Variants in PID1 observed in about 807,000 individuals in gnomAD.
PID1 encodes the protein PTB-containing, cubilin and LRP1-interacting protein.
PID1 carries 10 observed loss-of-function variants against 19.1 expected under a neutral mutation model. That is an observed-to-expected ratio of 0.52 (90% CI 0.32 to 0.89). PID1 has a LOEUF of 0.89. Ranked by LOEUF, PID1 falls within the 40% of genes least tolerant of loss-of-function variation. The pLI, the probability that PID1 is intolerant of heterozygous loss-of-function variation, is 0.03. For synonymous variants in PID1, 130 were observed against 116.0 expected, an observed-to-expected ratio of 1.12 and a Z score of -0.78; for missense variants, 248 against 285.3, an observed-to-expected ratio of 0.87 and a Z score of 0.94.
chr2:229,035,520 G>C (rs1206976587), intron 2 of PID1, among the ~76,000 whole-genome samples: 6 of 151,592 alleles, frequency 4.0e-5, no homozygotes, highest in African/African-American at 1.5e-4. Context: ...GTGTGTGTGT[G>C]TGTGTGTGTG....
chr2:229,216,082 T>C (rs1383547216), intron 1 of PID1, among the ~76,000 whole-genome samples: 1 of 152,148 alleles, frequency 6.6e-6, no homozygotes, highest in Non-Finnish European at 1.5e-5. Flanking sequence ...CCTGGCTTGA[T>C]AGCCAGACAC....
intron 1 of PID1, among the ~76,000 whole-genome samples, chr2:229,240,122 T>G (rs1689835078): frequency 6.6e-6 from 1 of 152,118 alleles, no homozygotes; most frequent in Non-Finnish European, 1.5e-5. Flanking sequence ...AACGTCACAT[T>G]TTCATTATTA....
chr2:229,158,990 G>T (rs1255618848), intron 1 of PID1, among the ~76,000 whole-genome samples: 1 of 152,122 alleles, frequency 6.6e-6, no homozygotes, highest in African/African-American at 2.4e-5. Context: ...AAAAAACATA[G>T]TTAGAAAGGA....
chr2:229,161,293 C>A (rs544963477), intron 1 of PID1, among the ~76,000 whole-genome samples: 1 of 152,038 alleles, frequency 6.6e-6, no homozygotes, highest in East Asian at 1.9e-4. Flanking sequence ...CAGAGATAGA[C>A]AGAGAAATTT....
chr2:229,212,403 C>T (rs1234254148), intron 1 of PID1, among the ~76,000 whole-genome samples: 1 of 152,178 alleles, frequency 6.6e-6, no homozygotes, highest in African/African-American at 2.4e-5. Flanking sequence ...AAAGGAAACA[C>T]AACCCAGGTT....
intron 2 of PID1, among the ~76,000 whole-genome samples, chr2:229,051,953 C>T (rs1272480746): frequency 6.6e-6 from 1 of 152,142 alleles, no homozygotes; most frequent in East Asian, 1.9e-4. Context: ...TCCCAGCTGC[C>T]TAGTATCCAG....
In PID1 at chr2:229,023,981, T is replaced by G. The variant is rs1165174836; in HGVS notation, c.*1651A>C. ...AAAGGACAGACACAAAGTATGAAAC[T>G]CCTCAGCTTTATTAATGCAAACATA... On this transcript the variant is annotated 3_prime_UTR_variant, in exon 3 of 3. Transcript: ENST00000392055. The G allele has an allele frequency of 2.0e-5, 3 of 152,660 alleles. No homozygotes were observed. The highest frequency in any genetic ancestry group is 4.4e-5 in the Non-Finnish European group (3 of 68,044). 9.5% of individuals were successfully genotyped at this position (152,660 alleles called of 1,614,324 possible).
At chr2:229,190,342 C>T (rs916825106) in intron 1 of PID1, among the ~76,000 whole-genome samples, 4 of 152,192 alleles carry the variant, frequency 2.6e-5, no homozygotes, top group East Asian at 3.8e-4. Context: ...GAACCAGCCC[C>T]GAGCTATACC....
At chr2:229,149,734 A>G (rs1250890908) in intron 2 of PID1, among the ~76,000 whole-genome samples, 2 of 152,220 alleles carry the variant, frequency 1.3e-5, no homozygotes, top group East Asian at 3.8e-4. Flanking sequence ...ACTGGGCTTC[A>G]CATCAAGCCA....
intron 1 of PID1, among the ~76,000 whole-genome samples, chr2:229,255,623 C>T (rs947190682): frequency 1.3e-5 from 2 of 152,124 alleles, no homozygotes; most frequent in African/African-American, 4.8e-5. Context: ...GTAATCTCTT[C>T]CAATGTTTGG....
chr2:229,116,731 C>G (rs1695417563), intron 2 of PID1, among the ~76,000 whole-genome samples: 1 of 152,148 alleles, frequency 6.6e-6, no homozygotes, highest in Non-Finnish European at 1.5e-5. Flanking sequence ...AAACCTCTTT[C>G]CTTTATAAAT....
At chr2:229,088,050 T>C (rs1012761381) in intron 2 of PID1, among the ~76,000 whole-genome samples, 1 of 152,124 alleles carries the variant, frequency 6.6e-6, no homozygotes, top group African/African-American at 2.4e-5. Context: ...TTCCATGTGG[T>C]CTCTAAGAGC....
chr2:229,208,115 G>C (rs1691648166), intron 1 of PID1, among the ~76,000 whole-genome samples: 1 of 152,160 alleles, frequency 6.6e-6, no homozygotes, highest in Non-Finnish European at 1.5e-5. Flanking sequence ...GGGTTGTAAA[G>C]GAGATGGCTT....
chr2:229,089,955 T>C (rs1694838279), intron 2 of PID1, among the ~76,000 whole-genome samples: 1 of 152,108 alleles, frequency 6.6e-6, no homozygotes, highest in Admixed American at 6.5e-5. Context: ...TGGCCTGTGG[T>C]TTTCTAAGTA....
chr2:229,255,438 C>T (rs1024177942), intron 1 of PID1, among the ~76,000 whole-genome samples: 4 of 152,032 alleles, frequency 2.6e-5, no homozygotes, highest in East Asian at 3.9e-4. Flanking sequence ...TTGGTGGGAA[C>T]GGAGATTCTC....
chr2:229,126,035 T>C, intron 2 of PID1, among the ~76,000 whole-genome samples: 1 of 152,248 alleles, frequency 6.6e-6, no homozygotes, highest in East Asian at 1.9e-4. Context: ...TCTGCATAGT[T>C]ATACAGCCTA....
chr2:229,086,905 G>A (rs189492774), intron 2 of PID1, among the ~76,000 whole-genome samples: 4,869 of 75,206 alleles, frequency 0.065, 94 homozygotes, highest in Middle Eastern at 0.11. Context: ...GCTTGCACAC[G>A]TGTGTACACA....
intron 2 of PID1, among the ~76,000 whole-genome samples, chr2:229,038,486 C>G (rs1693707059): frequency 6.6e-6 from 1 of 152,048 alleles, no homozygotes. Context: ...TATAACAAAA[C>G]TTTAGAACTG....
chr2:229,134,257 CAG>C (rs1689812054), intron 2 of PID1, among the ~76,000 whole-genome samples: 1 of 106,966 alleles, frequency 9.3e-6, no homozygotes, highest in Non-Finnish European at 1.9e-5. Flanking sequence ...TTTTTTGAGA[CAG>C]AGTCTTGCAC....
Sources: allele counts gnomAD v4.1 joint callset (sites outside exome capture counted in the v4.1 genomes callset), GRCh38; gene constraint gnomAD v4.1.1; transcripts MANE v1.5; gene names NCBI Gene and HGNC (gene_info 2026-07-23, HGNC 2026-07-21).